WWOX: variants seen among roughly 807,000 people sequenced by gnomAD.
WWOX encodes the protein WW domain-containing oxidoreductase.
In WWOX, 69 loss-of-function variants were observed where a neutral mutation model predicts 46.2. The ratio of observed to expected loss-of-function variants is 1.49; its 90% confidence interval spans 1.23 to 1.82. The LOEUF is 1.82. Ranked by LOEUF, WWOX falls within the 40% of genes most tolerant of loss-of-function variation. The pLI is 0.00. For synonymous variants in WWOX, 359 were observed against 202.6 expected (o/e 1.77, Z -6.56); for missense variants, 919 against 542.6 (o/e 1.69, Z -6.89).
At chr16:78,172,784 T>G (rs1189109840) in intron 5 of WWOX, among the ~76,000 whole-genome samples, 2 of 152,178 alleles carry the variant, frequency 1.3e-5, no homozygotes, top group Non-Finnish European at 2.9e-5. Flanking sequence ...ATCCTTTCAT[T>G]AATGTGGGGT....
intron 8 of WWOX, among the ~76,000 whole-genome samples, chr16:78,481,970 G>T (rs186075299): frequency 1.1e-3 from 162 of 152,272 alleles, no homozygotes; most frequent in African/African-American, 3.9e-3. Flanking sequence ...AGGCTGAGCT[G>T]CCTAGCTGTC....
intron 8 of WWOX, chr16:78,551,478 T>G (rs1336857149): frequency 6.6e-6 from 1 of 152,194 alleles, no homozygotes; most frequent in Non-Finnish European, 1.5e-5. Context: ...AATTCAAGTG[T>G]TGGAATGTTG....
chr16:79,091,808 G>A (rs1385416510), intron 8 of WWOX, among the ~76,000 whole-genome samples: 2 of 132,038 alleles, frequency 1.5e-5, no homozygotes, highest in African/African-American at 2.9e-5. Context: ...TTGAGACGGA[G>A]TCTAGCTCTG....
At chr16:78,955,737 T>G (rs944588051) in intron 8 of WWOX, among the ~76,000 whole-genome samples, 1 of 151,564 alleles carries the variant, frequency 6.6e-6, no homozygotes, top group Admixed American at 6.6e-5. Context: ...AGCCTCAGCC[T>G]CCTAAACTCA....
At chr16:78,535,542 C>A (rs1235993149) in intron 8 of WWOX, 1 of 152,214 alleles carries the variant, frequency 6.6e-6, no homozygotes, top group Non-Finnish European at 1.5e-5. Context: ...CAGAAGAACC[C>A]TTAGAAGTAA....
chr16:79,064,992 C>G (rs564404280), intron 8 of WWOX, among the ~76,000 whole-genome samples: 1 of 152,020 alleles, frequency 6.6e-6, no homozygotes, highest in South Asian at 2.1e-4. Context: ...TGTGTGTGTG[C>G]GAAGGGTGAA....
chr16:79,058,675 C>A (rs1224487200), intron 8 of WWOX, among the ~76,000 whole-genome samples: 2 of 152,170 alleles, frequency 1.3e-5, no homozygotes, highest in Non-Finnish European at 2.9e-5. Context: ...ATCAACTAGT[C>A]CTTATTTTGG....
chr16:78,555,549 C>T (rs952945597), intron 8 of WWOX, among the ~76,000 whole-genome samples: 3 of 149,960 alleles, frequency 2.0e-5, no homozygotes, highest in Admixed American at 2.0e-4. Flanking sequence ...GTAATATATG[C>T]AGGCCAGTAC....
intron 8 of WWOX, chr16:79,101,747 A>G (rs2049199898): frequency 2.0e-5 from 3 of 151,312 alleles, no homozygotes; most frequent in Admixed American, 2.0e-4. Flanking sequence ...TAGCCTTAAA[A>G]AAAAAAAAAA....
At chr16:78,567,170 GC>G (rs2044589822) in intron 8 of WWOX, among the ~76,000 whole-genome samples, 1 of 152,204 alleles carries the variant, frequency 6.6e-6, no homozygotes, top group Non-Finnish European at 1.5e-5. Context: ...ATTGGCAGAA[GC>G]CCAATTTAAG....
At chr16:78,873,695 A>G (rs376408052) in intron 8 of WWOX, among the ~76,000 whole-genome samples, 2 of 152,102 alleles carry the variant, frequency 1.3e-5, no homozygotes, top group East Asian at 3.9e-4. Flanking sequence ...GAGACTGAGG[A>G]GGACGATTGC....
intron 8 of WWOX, among the ~76,000 whole-genome samples, chr16:78,515,720 C>T (rs559470300): frequency 1.4e-4 from 22 of 152,298 alleles, no homozygotes; most frequent in East Asian, 1.9e-4. Flanking sequence ...GCGCGTTGCC[C>T]GTTGCCCTAG....
In WWOX at chr16:78,419,293, A is replaced by G. The variant is rs548271638; in HGVS notation, c.606-5577A>G. 3.9e-5 allele frequency among the ~76,000 whole-genome samples: 6 copies of G among 152,282 alleles called. No homozygotes were observed. In the South Asian group the frequency reaches 1.2e-3, roughly 32 times the overall value. On this transcript the variant is annotated intron_variant, in intron 6 of 8. Coordinates refer to ENST00000566780, the MANE Select transcript of WWOX (RefSeq NM_016373.4). ...TTACAGAAATTGAAAAGCTGATCCT[A>G]CATTTTGTATATGAATGCAAAGGAA...
intron 8 of WWOX, among the ~76,000 whole-genome samples, chr16:79,137,339 GA>G (rs2050002039): frequency 6.6e-6 from 1 of 152,188 alleles, no homozygotes; most frequent in African/African-American, 2.4e-5. Context: ...CTTATCAAAA[GA>G]AAATTCATGT....
At chr16:79,106,582 A>ATTTTTTT (rs752318131) in intron 8 of WWOX, 27 of 79,524 alleles carry the variant, frequency 3.4e-4, no homozygotes, top group Middle Eastern at 9.3e-3. Context: ...TCTTAAAATA[A>ATTTTTTT]TTTTTTTTTT....
chr16:78,339,356 C>A (rs1597060808), intron 5 of WWOX, among the ~76,000 whole-genome samples: 1 of 91,340 alleles, frequency 1.1e-5, no homozygotes, highest in South Asian at 3.0e-4. Flanking sequence ...AATCTCAGTT[C>A]CTTTTATTAG....
chr16:78,601,501 C>T (rs1350759644), intron 8 of WWOX, among the ~76,000 whole-genome samples: 1 of 151,980 alleles, frequency 6.6e-6, no homozygotes, highest in Non-Finnish European at 1.5e-5. Flanking sequence ...ATCTCCAAGC[C>T]ATTATTCACA....
At chr16:78,388,645 C>CAAAAAAAAA (rs59881601) in intron 6 of WWOX, among the ~76,000 whole-genome samples, 1 of 53,032 alleles carries the variant, frequency 1.9e-5, no homozygotes, top group South Asian at 9.8e-4. Context: ...GACTCCGTCT[C>CAAAAAAAAA]AAAAAAAAAA....
chr16:78,803,790 G>A (rs1235727793), intron 8 of WWOX, among the ~76,000 whole-genome samples: 1 of 151,986 alleles, frequency 6.6e-6, no homozygotes, highest in Non-Finnish European at 1.5e-5. Flanking sequence ...AAACCACAGG[G>A]GATCTGTTGG....
Sources: allele counts gnomAD v4.1 joint callset (sites outside exome capture counted in the v4.1 genomes callset), GRCh38; gene constraint gnomAD v4.1.1; transcripts MANE v1.5; gene names NCBI Gene and HGNC (gene_info 2026-07-23, HGNC 2026-07-21).